The following ARHGAP44 variants were observed in gnomAD, a reference collection of about 807,000 sequenced individuals.
ARHGAP44 encodes Rho GTPase activating protein 44, also known as rho GTPase-activating protein 44.
Under a neutral mutation model 106.8 loss-of-function variants are expected in ARHGAP44, and 43 were observed. The ratio of observed to expected loss-of-function variants is 0.40; its 90% CI spans 0.32 to 0.52. The LOEUF is 0.52. ARHGAP44 is among the 20% of genes least tolerant of loss of function. The pLI is 0.48. For missense variants in ARHGAP44, 866 were observed against 1,050.5 expected (o/e 0.82, Z 2.43); for synonymous variants, 439 against 410.3 (o/e 1.07, Z -0.85).
At position 12,944,163 on chromosome 17, in the gene ARHGAP44, G is replaced by C; in HGVS notation, c.828G>C (p.Val276=). The C allele has an allele frequency of 1.9e-6, 3 of 1,611,960 alleles. No individual in the cohort carries two copies. Among genetic ancestry groups the C allele is most frequent in the Non-Finnish European group, 2.5e-6 (3 of 1,179,572 alleles). Residue 276 remains valine (V), a synonymous_variant, in exon 10 of 21, where the codon GTG becomes GTC. Transcript: ENST00000379672. ...REIAFPIEAC[V]TMLLECGMQE... is the part of the protein sequence containing the mutation. ...TCGCCTTCCCCATCGAGGCGTGTGTGACCATGCTGCTTGAGTGTGGGATGC... is the reference window on the plus strand; with the variant it reads ...TCGCCTTCCCCATCGAGGCGTGTGTCACCATGCTGCTTGAGTGTGGGATGC...
intron 6 of ARHGAP44, among the ~76,000 whole-genome samples, chr17:12,922,410 A>C (rs909726411): frequency 6.6e-6 from 1 of 152,166 alleles, no homozygotes; most frequent in African/African-American, 2.4e-5. Context: ...CCATAATATG[A>C]GTGTTCAAGT....
intron 1 of ARHGAP44, among the ~76,000 whole-genome samples, chr17:12,874,027 G>C (rs1228691621): frequency 6.6e-6 from 1 of 152,202 alleles, no homozygotes; most frequent in Non-Finnish European, 1.5e-5. Flanking sequence ...TTGAAAATAA[G>C]TCCAGGTATA....
rs754568757 is a variant in ARHGAP44 at position 12,984,754 on chromosome 17, C to T, written c.2163C>T (p.Ser721=). The T allele has an allele frequency of 5.6e-6, 9 of 1,613,886 alleles. No individual in the cohort carries two copies. Among genetic ancestry groups the T allele is most frequent in the Admixed American group, 3.3e-5 (2 of 60,006 alleles). ...PPLASPSVFT[S]TLSKSRPTPK... ...TGGCCTCTCCTTCTGTCTTTACAAG[C>T]ACTTTGAGCAAATCGCGGCCCACTC... is the stretch of plus-strand genomic sequence containing the variant. The change falls in exon 20 of 21, where the codon AGC becomes AGT. Residue 721 remains serine, a synonymous_variant. Coordinates refer to ENST00000379672, the MANE Select transcript of ARHGAP44 (RefSeq NM_014859.6).
At chr17:12,830,481 A>G (rs1244333399) in intron 1 of ARHGAP44, among the ~76,000 whole-genome samples, 1 of 152,068 alleles carries the variant, frequency 6.6e-6, no homozygotes, top group Non-Finnish European at 1.5e-5. Flanking sequence ...TCAGTGTCTC[A>G]TGGCTCAAAC....
intron 1 of ARHGAP44, among the ~76,000 whole-genome samples, chr17:12,879,517 G>T (rs2036657071): frequency 6.6e-6 from 1 of 152,004 alleles, no homozygotes; most frequent in Non-Finnish European, 1.5e-5. Flanking sequence ...ATTTTAATTT[G>T]CATGTAGTTG....
At chr17:12,947,765 G>T (rs2038892684) in intron 10 of ARHGAP44, among the ~76,000 whole-genome samples, 1 of 152,196 alleles carries the variant, frequency 6.6e-6, no homozygotes, top group Admixed American at 6.5e-5. Context: ...GTTTTATGAA[G>T]ATCTGAGTGA....
At chr17:12,842,703 A>G (rs1306814264) in intron 1 of ARHGAP44, among the ~76,000 whole-genome samples, 1 of 152,162 alleles carries the variant, frequency 6.6e-6, no homozygotes, top group East Asian at 1.9e-4. Context: ...TGTGATGTTG[A>G]CTAAACCCCG....
intron 4 of ARHGAP44, among the ~76,000 whole-genome samples, chr17:12,911,006 TA>T (rs139218651): frequency 3.5e-4 from 21 of 59,404 alleles, no homozygotes; most frequent in African/African-American, 9.2e-4. Flanking sequence ...AAAAGGAAAA[TA>T]AAAAAAAATA....
intron 1 of ARHGAP44, among the ~76,000 whole-genome samples, chr17:12,850,507 G>A (rs2035707692): frequency 6.6e-6 from 1 of 152,162 alleles, no homozygotes; most frequent in Admixed American, 6.5e-5. Flanking sequence ...AGGGGTCATG[G>A]GGATGTCAAG....
At position 12,911,049 on chromosome 17, in the gene ARHGAP44, CAAA is replaced by C. The variant is rs60781678; in HGVS notation, c.275+2089_275+2091del. Among the ~76,000 whole-genome samples, 322 of 128,636 alleles carry C rather than the reference CAAA, an allele frequency of 2.5e-3. 2 individuals are homozygous for C. The highest frequency in any genetic ancestry group is 9.0e-3 in the African/African-American group (312 of 34,522). 84.4% of individuals were successfully genotyped at this position (128,636 alleles called of 152,430 possible). ...AGGGACTACAAGAGAAAAAAGTAACCAAAAAAAAAAAAAAACCACATAATAATT... is the reference window on the plus strand; with the variant it reads ...AGGGACTACAAGAGAAAAAAGTAACCAAAAAAAAAAAACCACATAATAATT... On this transcript the variant is annotated intron_variant, in intron 4 of 20. Transcript: ENST00000379672.
chr17:12,822,832 G>A (rs1176336660), intron 1 of ARHGAP44, among the ~76,000 whole-genome samples: 2 of 152,146 alleles, frequency 1.3e-5, no homozygotes, highest in East Asian at 1.9e-4. Flanking sequence ...CTGTAAAAGG[G>A]GCAGTTGATC....
At chr17:12,887,141 C>T (rs1263491361) in intron 1 of ARHGAP44, among the ~76,000 whole-genome samples, 1 of 151,906 alleles carries the variant, frequency 6.6e-6, no homozygotes, top group East Asian at 1.9e-4. Flanking sequence ...GAATAAATCC[C>T]ACTTGGTTTG....
At chr17:12,931,573 T>C (rs1598074885) in intron 7 of ARHGAP44, among the ~76,000 whole-genome samples, 3 of 151,878 alleles carry the variant, frequency 2.0e-5, no homozygotes, top group Admixed American at 2.0e-4. Context: ...CTCCGCTCAC[T>C]GCAAGCTCCG....
intron 1 of ARHGAP44, among the ~76,000 whole-genome samples, chr17:12,799,072 C>T (rs2034010358): frequency 6.6e-6 from 1 of 152,214 alleles, no homozygotes; most frequent in African/African-American, 2.4e-5. Flanking sequence ...GAGGAAGTCT[C>T]TCCCTACCCC....
At chr17:12,903,121 AG>A (rs2037433396) in intron 3 of ARHGAP44, among the ~76,000 whole-genome samples, 1 of 84,650 alleles carries the variant, frequency 1.2e-5, no homozygotes, top group East Asian at 6.2e-4. Context: ...AGAGAGAGAG[AG>A]AGAGGAGAGA....
intron 1 of ARHGAP44, among the ~76,000 whole-genome samples, chr17:12,811,399 G>T (rs1369597551): frequency 6.6e-6 from 1 of 152,034 alleles, no homozygotes; most frequent in Admixed American, 6.6e-5. Flanking sequence ...TCTTCATCCT[G>T]GTCTTCACAT....
At chr17:12,803,744 C>T (rs978008641) in intron 1 of ARHGAP44, among the ~76,000 whole-genome samples, 2 of 152,076 alleles carry the variant, frequency 1.3e-5, no homozygotes, top group Non-Finnish European at 2.9e-5. Context: ...GCAACACAGC[C>T]CAGACCATAT....
At chr17:12,956,805 G>A in intron 15 of ARHGAP44, 59 bp downstream of exon 15, 1 of 1,502,756 alleles carries the variant, frequency 6.7e-7, no homozygotes, top group Non-Finnish European at 9.2e-7. Flanking sequence ...ATCACTGCGA[G>A]TTCTGAGCCT....
chr17:12,919,466 A>T (rs543054152), intron 5 of ARHGAP44, among the ~76,000 whole-genome samples: 3 of 147,810 alleles, frequency 2.0e-5, no homozygotes, highest in African/African-American at 7.5e-5. Context: ...GCTCACTGCA[A>T]CCTTTGCCTC....
Sources: gnomAD v4.1 joint callset for allele counts (sites outside exome capture counted in the v4.1 genomes callset) on GRCh38, gnomAD v4.1.1 for gene constraint, MANE v1.5 for transcripts, NCBI Gene and HGNC (gene_info 2026-07-23, HGNC 2026-07-21) for gene names.